Variants in MDGA2 observed in about 807,000 individuals in gnomAD.
The protein encoded by MDGA2 is MAM domain containing glycosylphosphatidylinositol anchor 2.
MDGA2 carries 40 observed loss-of-function variants against 117.8 expected under a neutral mutation model. The observed-to-expected ratio is 0.34, with a 90% CI of 0.26 to 0.44. The LOEUF (loss-of-function observed/expected upper bound fraction) is 0.44. Ranked by LOEUF, MDGA2 falls within the 20% of genes least tolerant of loss-of-function variation. The probability of loss-of-function intolerance (pLI) is 1.00; values close to 1 mark genes in which losing one functional copy is unlikely to be tolerated. For missense variants in MDGA2, 1,123 were observed against 1,250.6 expected, an observed-to-expected ratio of 0.90 and a Z score of 1.54; for synonymous variants, 452 against 439.0, an observed-to-expected ratio of 1.03 and a Z score of -0.37.
At chr14:47,458,161 G>A (rs866942742) in intron 1 of MDGA2, among the ~76,000 whole-genome samples, 1 of 152,036 alleles carries the variant, frequency 6.6e-6, no homozygotes, top group Middle Eastern at 3.4e-3. Context: ...TGAGTTACAC[G>A]TGTTTCTTAT....
chr14:46,842,609 C>A (rs575072460), intron 16 of MDGA2, among the ~76,000 whole-genome samples: 1 of 152,284 alleles, frequency 6.6e-6, no homozygotes, highest in East Asian at 1.9e-4. Flanking sequence ...TTCCACCAAT[C>A]GGCCTGGAAA....
chr14:46,877,512 A>G lies in MDGA2; in HGVS notation c.2417-3T>C, dbSNP rs576724097. 8 of 1,518,652 alleles carry G rather than the reference A, an allele frequency of 5.3e-6. No individual in the cohort carries two copies. The East Asian group carries it at 1.6e-4, about 31-fold the overall frequency. The allele number at this position is 1,518,652 out of a possible 1,614,324, so 94.1% of individuals were successfully genotyped here. A position where few individuals can be genotyped will look rare whatever the true frequency, so the allele number is the denominator to read the frequency against. On this transcript the variant is annotated splice_region_variant and splice_polypyrimidine_tract_variant and intron_variant, in intron 11 of 16. Coordinates refer to ENST00000399232, the MANE Select transcript of MDGA2 (RefSeq NM_001113498.3). ...ACTCAAATGAGGATTTACAGGAGCTACAAGAAAAGCAAAAGAAACAAACAA... is the reference window on the plus strand; with the variant it reads ...ACTCAAATGAGGATTTACAGGAGCTGCAAGAAAAGCAAAAGAAACAAACAA...
chr14:47,383,455 T>C (rs1166699277), intron 1 of MDGA2, among the ~76,000 whole-genome samples: 3 of 152,312 alleles, frequency 2.0e-5, no homozygotes, highest in African/African-American at 4.8e-5. Flanking sequence ...ATGTGATTCA[T>C]TGAAGAAATA....
chr14:47,535,417 G>A (rs1165361814), intron 1 of MDGA2, among the ~76,000 whole-genome samples: 1 of 152,206 alleles, frequency 6.6e-6, no homozygotes, highest in Non-Finnish European at 1.5e-5. Context: ...TGGAAGTAAT[G>A]TCATGTCTTA....
At chr14:46,977,594 A>C (rs1190819750) in intron 8 of MDGA2, among the ~76,000 whole-genome samples, 2 of 151,944 alleles carry the variant, frequency 1.3e-5, no homozygotes, top group Admixed American at 1.3e-4. Context: ...TTGCACCAGG[A>C]AGTCTATTAT....
intron 7 of MDGA2, among the ~76,000 whole-genome samples, 155 bp from the exon 8 acceptor site, chr14:47,035,459 C>G (rs17642607): frequency 0.053 from 8,057 of 152,312 alleles, 270 homozygotes; most frequent in Middle Eastern, 0.082. Flanking sequence ...TATACTCTCA[C>G]TGAAAATCAT....
At chr14:47,560,206 T>G (rs545210294) in intron 1 of MDGA2, among the ~76,000 whole-genome samples, 39 of 152,024 alleles carry the variant, frequency 2.6e-4, no homozygotes, top group Non-Finnish European at 4.7e-4. Context: ...TAGCTGGGAC[T>G]ACAGGCGCCC....
At chr14:47,070,592 T>A (rs530805223) in intron 6 of MDGA2, among the ~76,000 whole-genome samples, 5 of 69,224 alleles carry the variant, frequency 7.2e-5, no homozygotes, top group Non-Finnish European at 1.1e-4. Context: ...CTTCCAGTAC[T>A]TTTTTTTTAT....
rs71112472 is a variant in MDGA2, at chr14:46,938,540, C to CAAAAAAAA, written c.2090-18388_2090-18381dup. ...GGGCAACAAGAACGAAAATCCATCT[C>CAAAAAAAA]AAAAAAAAAAAAAAAAAAAAGAGAC... On this transcript the variant is annotated intron_variant, in intron 9 of 16. Coordinates refer to ENST00000399232, the MANE Select transcript of MDGA2 (RefSeq NM_001113498.3). 7.4e-4 allele frequency among the ~76,000 whole-genome samples: 20 copies of CAAAAAAAA among 26,988 alleles called. 2 individuals are homozygous for CAAAAAAAA. The highest frequency in any genetic ancestry group is 2.2e-3 in the South Asian group (1 of 446). The allele number at this position is 26,988 out of a possible 152,430, so 17.7% of individuals were successfully genotyped here.
chr14:47,489,471 G>A (rs945281719), intron 1 of MDGA2, among the ~76,000 whole-genome samples: 2 of 151,474 alleles, frequency 1.3e-5, no homozygotes, highest in African/African-American at 2.4e-5. Flanking sequence ...ACCTTTTTTT[G>A]GTGGCCCGTT....
intron 6 of MDGA2, among the ~76,000 whole-genome samples, chr14:47,087,961 T>C (rs1375950345): frequency 1.3e-5 from 2 of 151,998 alleles, no homozygotes; most frequent in Admixed American, 1.3e-4. Context: ...AGATTTTCTC[T>C]TGGCTAGAGT....
intron 8 of MDGA2, among the ~76,000 whole-genome samples, chr14:47,019,924 G>T (rs939083682): frequency 2.6e-5 from 4 of 151,990 alleles, no homozygotes; most frequent in Admixed American, 6.6e-5. Flanking sequence ...GATTTGTGTA[G>T]CATTACTATT....
At chr14:46,888,234 C>G (rs1882743622) in intron 10 of MDGA2, among the ~76,000 whole-genome samples, 1 of 151,864 alleles carries the variant, frequency 6.6e-6, no homozygotes, top group African/African-American at 2.4e-5. Context: ...AAATGGAAAA[C>G]TAAATGCAAT....
At chr14:47,380,424 A>G (rs990953685) in intron 1 of MDGA2, among the ~76,000 whole-genome samples, 3 of 152,116 alleles carry the variant, frequency 2.0e-5, no homozygotes, top group African/African-American at 4.8e-5. Flanking sequence ...AAATCAGTGA[A>G]TCCGGGAGCT....
chr14:47,594,359 T>G (rs768047734), intron 1 of MDGA2, among the ~76,000 whole-genome samples: 4 of 152,202 alleles, frequency 2.6e-5, no homozygotes, highest in Admixed American at 2.0e-4. Flanking sequence ...CTAATCCTAC[T>G]GTGATTTTCA....
At chr14:46,870,298 C>G (rs1443022872) in intron 14 of MDGA2, among the ~76,000 whole-genome samples, 1 of 151,884 alleles carries the variant, frequency 6.6e-6, no homozygotes, top group East Asian at 1.9e-4. Flanking sequence ...TTTACAATTA[C>G]TCATGAAGTT....
intron 6 of MDGA2, among the ~76,000 whole-genome samples, chr14:47,089,352 C>T (rs1366291811): frequency 6.6e-6 from 1 of 151,916 alleles, no homozygotes; most frequent in Non-Finnish European, 1.5e-5. Flanking sequence ...TTACTTAATG[C>T]TCTCTCTTCT....
chr14:47,139,404 TTTTTA>T (rs1347915133), intron 4 of MDGA2, among the ~76,000 whole-genome samples: 1 of 152,058 alleles, frequency 6.6e-6, no homozygotes, highest in African/African-American at 2.4e-5. Context: ...TAGACAACGA[TTTTTA>T]TTTTATATCA....
At chr14:47,281,970 G>A (rs1165010609) in intron 2 of MDGA2, among the ~76,000 whole-genome samples, 1 of 149,696 alleles carries the variant, frequency 6.7e-6, no homozygotes, top group Non-Finnish European at 1.5e-5. Flanking sequence ...CACAAGAATC[G>A]CTTGAACCCG....
Sources: allele counts gnomAD v4.1 joint callset (sites outside exome capture counted in the v4.1 genomes callset), GRCh38; gene constraint gnomAD v4.1.1; transcripts MANE v1.5; gene names NCBI Gene and HGNC (gene_info 2026-07-23, HGNC 2026-07-21).